HHAT: variants seen among roughly 807,000 people sequenced by gnomAD.
HHAT encodes the protein hedgehog acyltransferase.
HHAT carries 47 observed loss-of-function variants against 70.8 expected under a neutral mutation model. The observed-to-expected ratio is 0.66, with a 90% CI of 0.53 to 0.85. The LOEUF is 0.85. Among genes scored for constraint, HHAT ranks in the 40% least tolerant of loss-of-function variants. HHAT has a pLI of 0.00. For synonymous variants in HHAT, 228 were observed against 247.6 expected, an observed-to-expected ratio of 0.92 and a Z score of 0.74; for missense variants, 609 against 604.8, an observed-to-expected ratio of 1.01 and a Z score of -0.07.
intron 10 of HHAT, among the ~76,000 whole-genome samples, chr1:210,618,307 T>C (rs1471936625): frequency 2.0e-5 from 3 of 152,196 alleles, no homozygotes; most frequent in Non-Finnish European, 4.4e-5. Context: ...GCCTCATCTT[T>C]ACAGTCTGTG....
chr1:210,457,210 C>T (rs1010178524), intron 7 of HHAT, among the ~76,000 whole-genome samples: 5 of 152,114 alleles, frequency 3.3e-5, no homozygotes, highest in Non-Finnish European at 5.9e-5. Flanking sequence ...TCTGTTGTAG[C>T]ACTTCCACCT....
At chr1:210,437,702 A>G (rs2093412069) in intron 7 of HHAT, among the ~76,000 whole-genome samples, 1 of 151,784 alleles carries the variant, frequency 6.6e-6, no homozygotes, top group African/African-American at 2.4e-5. Context: ...TTTGTTGAGT[A>G]TTTACATGGG....
At chr1:210,623,502 G>A in intron 10 of HHAT, 24 bp from the exon 11 acceptor site, 12 of 1,613,554 alleles carry the variant, frequency 7.4e-6, no homozygotes, top group South Asian at 1.1e-5. Context: ...GTCATGAGAT[G>A]CTTTCTTGCC....
chr1:210,391,993 C>T (rs4844525), intron 4 of HHAT, among the ~76,000 whole-genome samples: 92,049 of 151,802 alleles, frequency 0.61, 28,297 homozygotes, highest in African/African-American at 0.68. Flanking sequence ...CCTCAGCTCC[C>T]GAGTAGCTTG....
rs1680963658 is a variant in HHAT at position 210,675,559 on chromosome 1, A to G, written c.*1180A>G. On this transcript the variant is annotated 3_prime_UTR_variant, in exon 12 of 12. Transcript: ENST00000261458. The stretch of plus-strand genomic sequence containing the variant: ...TTACAGGAGAATTTACAACATCTCA[A>G]GTACGTAAATTAAGTTGTCATTGAG... The G allele has an allele frequency of 6.6e-6, 1 of 152,176 alleles. No homozygotes were observed. Among genetic ancestry groups the G allele is most frequent in the East Asian group, 1.9e-4 (1 of 5,192 alleles). The allele number at this position is 152,176 out of a possible 1,614,324, so 9.4% of individuals were successfully genotyped here.
chr1:210,671,577 A>G lies in HHAT; in HGVS notation c.1391-2711A>G, dbSNP rs559379017. Reference sequence around the variant, plus strand: ...GGATTTGGAGTAGCCTTTAAATCCAATGATTGGTGCCCTTGAGAGGACAGA... The same window carrying G: ...GGATTTGGAGTAGCCTTTAAATCCAGTGATTGGTGCCCTTGAGAGGACAGA... On this transcript the variant is annotated intron_variant, in intron 11 of 11. Coordinates refer to ENST00000261458, the MANE Select transcript of HHAT (RefSeq NM_018194.6). Among the ~76,000 whole-genome samples the G allele has an allele frequency of 3.3e-5, 5 of 152,292 alleles. No homozygotes were observed. In the East Asian group the frequency reaches 7.7e-4, roughly 24 times the overall value.
At chr1:210,368,568 G>A (rs900029102) in intron 3 of HHAT, among the ~76,000 whole-genome samples, 1 of 152,032 alleles carries the variant, frequency 6.6e-6, no homozygotes, top group Non-Finnish European at 1.5e-5. Context: ...TGGGATTACA[G>A]GCATGAGCCA....
intron 10 of HHAT, among the ~76,000 whole-genome samples, chr1:210,621,834 A>G (rs1440665828): frequency 1.3e-5 from 2 of 152,210 alleles, no homozygotes; most frequent in Non-Finnish European, 2.9e-5. Context: ...TCGGGCAGAC[A>G]TCTCACTGTC....
In HHAT at chr1:210,362,836, T is replaced by C. The variant is rs773295864; in HGVS notation, c.92-16T>C. The C allele has an allele frequency of 6.4e-7, 1 of 1,564,976 alleles. No individual in the cohort carries two copies. Among genetic ancestry groups the C allele is most frequent in the Admixed American group, 1.7e-5 (1 of 58,274 alleles). ...TTTAGATTTGTGACTAACGAAGACT[T>C]TTTTTTTTTGGTCAGAACACGAAGA... is the stretch of plus-strand genomic sequence containing the variant. On this transcript the variant is annotated splice_polypyrimidine_tract_variant and intron_variant, in intron 2 of 11. Coordinates refer to ENST00000261458, the MANE Select transcript of HHAT (RefSeq NM_018194.6).
intron 2 of HHAT, 78 bp downstream of exon 2, chr1:210,349,144 A>C: frequency 2.1e-6 from 3 of 1,445,850 alleles, no homozygotes; most frequent in African/African-American, 2.8e-5. Flanking sequence ...TGGAAGATTC[A>C]AGAAGATGAT....
chr1:210,588,207 C>A, intron 10 of HHAT, 108 bp downstream of exon 10: 1 of 971,908 alleles, frequency 1.0e-6, no homozygotes, highest in South Asian at 1.7e-5. Flanking sequence ...GCCCTTTCTA[C>A]TAGGTTGGTT....
At chr1:210,336,813 C>G (rs997958304) in intron 1 of HHAT, among the ~76,000 whole-genome samples, 2 of 151,972 alleles carry the variant, frequency 1.3e-5, no homozygotes, top group Admixed American at 6.6e-5. Context: ...AAAAAGGAAG[C>G]CTTAAGGTTT....
intron 9 of HHAT, among the ~76,000 whole-genome samples, chr1:210,532,804 T>G (rs948778176): frequency 2.6e-5 from 4 of 152,188 alleles, no homozygotes; most frequent in Non-Finnish European, 5.9e-5. Flanking sequence ...ATTAGAATGA[T>G]TAAACCAGTT....
Position 210,610,222 on chromosome 1 carries a change from C to T in HHAT, c.1246-13304C>T, listed in dbSNP as rs190714695. Among the ~76,000 whole-genome samples the T allele has an allele frequency of 6.6e-5, 10 of 152,264 alleles. No individual in the cohort carries two copies. The East Asian group carries it at 1.9e-3, about 29-fold the overall frequency. On this transcript the variant is annotated intron_variant, in intron 10 of 11. Transcript: ENST00000261458. ...TTTTTATAATTGCCATTCTGACTGG[C>T]ATGAGATGCTATCTCATTGTGGTTT...
At chr1:210,494,623 C>T (rs900223324) in intron 8 of HHAT, among the ~76,000 whole-genome samples, 2 of 133,862 alleles carry the variant, frequency 1.5e-5, no homozygotes, top group African/African-American at 5.8e-5. Context: ...GCAGTCTTGG[C>T]TCACTGCAAC....
intron 1 of HHAT, among the ~76,000 whole-genome samples, chr1:210,338,184 TAA>T (rs10718306): frequency 7.3e-5 from 11 of 150,056 alleles, no homozygotes; most frequent in East Asian, 6.0e-4. Context: ...CGCCCCCATT[TAA>T]AAAAAAAAAT....
At chr1:210,644,947 C>T (rs567167927) in intron 11 of HHAT, among the ~76,000 whole-genome samples, 212 of 152,214 alleles carry the variant, frequency 1.4e-3, no homozygotes, top group African/African-American at 4.8e-3. Context: ...TGCGCATGGC[C>T]GTGTCCTCTG....
chr1:210,642,909 A>G (rs1673251169), intron 11 of HHAT, among the ~76,000 whole-genome samples: 1 of 152,196 alleles, frequency 6.6e-6, no homozygotes, highest in Admixed American at 6.5e-5. Flanking sequence ...ATTAGGAAAT[A>G]CTTGCTTACC....
chr1:210,369,267 A>ATTT (rs1429175924), intron 3 of HHAT, among the ~76,000 whole-genome samples: 4 of 152,164 alleles, frequency 2.6e-5, no homozygotes, highest in Non-Finnish European at 4.4e-5. Flanking sequence ...TTTTCCCATG[A>ATTT]CAGGTTTCTG....
Sources: allele counts gnomAD v4.1 joint callset (sites outside exome capture counted in the v4.1 genomes callset), GRCh38; gene constraint gnomAD v4.1.1; transcripts MANE v1.5; gene names NCBI Gene and HGNC (gene_info 2026-07-23, HGNC 2026-07-21).